The following AKAP8 variants were observed in gnomAD, a reference collection of about 807,000 sequenced individuals.
AKAP8 encodes A-kinase anchor protein 8.
Under a neutral mutation model 67.5 loss-of-function variants are expected in AKAP8, and 24 were observed. The ratio of observed to expected loss-of-function variants is 0.36; its 90% CI spans 0.26 to 0.50. The LOEUF is 0.50. AKAP8 is among the 20% of genes least tolerant of loss of function. The pLI, the probability that AKAP8 is intolerant of heterozygous loss-of-function variation, is 0.97. For synonymous variants in AKAP8, 400 were observed against 371.1 expected, an observed-to-expected ratio of 1.08 and a Z score of -0.90; for missense variants, 971 against 955.9, an observed-to-expected ratio of 1.02 and a Z score of -0.21.
In AKAP8 at chr19:15,361,940, G is replaced by A. The variant is rs954939005; in HGVS notation, c.1303-118C>T. The A allele has an allele frequency of 3.3e-5, 44 of 1,342,222 alleles. No individual in the cohort carries two copies. In the East Asian group the frequency reaches 5.4e-4, roughly 17 times the overall value. The allele number at this position is 1,342,222 out of a possible 1,614,324, so 83.1% of individuals were successfully genotyped here. A position where few individuals can be genotyped will look rare whatever the true frequency, so the allele number is the denominator to read the frequency against. On this transcript the variant is annotated intron_variant, in intron 10 of 13. Coordinates refer to ENST00000269701, the MANE Select transcript of AKAP8 (RefSeq NM_005858.4). ...GCAGCTGCGTGGGGCAGCACAGCAC[G>A]ATGGCTGGAGCTCCCGGTTGTCCCT...
rs774821166 is a variant in AKAP8, at chr19:15,359,071, G to T, written c.1528-9C>A. The T allele has an allele frequency of 6.2e-7, 1 of 1,612,470 alleles. No individual in the cohort carries two copies. Among genetic ancestry groups the T allele is most frequent in the Non-Finnish European group, 8.5e-7 (1 of 1,178,692 alleles). ...AACTGTTCAGCAGCCAACTGCAAAG[G>T]GAACCAAATGTGAGCTCTTAAAAAT... is the stretch of plus-strand genomic sequence containing the variant. On this transcript the variant is annotated splice_polypyrimidine_tract_variant and intron_variant, in intron 12 of 13. Coordinates refer to ENST00000269701, the MANE Select transcript of AKAP8 (RefSeq NM_005858.4).
intron 1 of AKAP8, among the ~76,000 whole-genome samples, chr19:15,377,352 C>G (rs186898470): frequency 6.6e-6 from 1 of 152,182 alleles, no homozygotes; most frequent in African/African-American, 2.4e-5. Context: ...GGACACGTTC[C>G]CCCACCCACC....
intron 5 of AKAP8, 67 bp from the exon 6 acceptor site, chr19:15,372,414 C>A (rs1967174755): frequency 3.1e-6 from 5 of 1,587,974 alleles, no homozygotes; most frequent in Non-Finnish European, 4.3e-6. Flanking sequence ...CAGAAAAGAA[C>A]AAGGAGGTTG....
chr19:15,374,464 A>G, intron 3 of AKAP8, 139 bp downstream of exon 3: 1 of 1,053,492 alleles, frequency 9.5e-7, no homozygotes, highest in African/African-American at 1.6e-5. Context: ...CATATACACA[A>G]CAGCAGCCGT....
At chr19:15,379,634 C>A (rs929523358) in intron 1 of AKAP8, 79 bp downstream of exon 1, 2 of 1,515,596 alleles carry the variant, frequency 1.3e-6, no homozygotes, top group South Asian at 1.2e-5. Flanking sequence ...AAGGCCCGGC[C>A]GGCGGCAGTC....
chr19:15,376,643 G>A lies in AKAP8; in HGVS notation c.58+333C>T, dbSNP rs111607744. Among the ~76,000 whole-genome samples the A allele has an allele frequency of 5.5e-3, 838 of 152,110 alleles. 8 individuals carry two copies. Among genetic ancestry groups the A allele is most frequent in the Middle Eastern group, 0.02 (6 of 294 alleles). On this transcript the variant is annotated intron_variant, in intron 2 of 13. Transcript: ENST00000269701. ...GGTAATTATAGAGAAAAAACACCTC[G>A]GATATACCCTCAGCTATTTACTCAG...
chr19:15,358,092 G>A (rs1599555671), intron 13 of AKAP8, among the ~76,000 whole-genome samples: 1 of 152,194 alleles, frequency 6.6e-6, no homozygotes, highest in African/African-American at 2.4e-5. Context: ...CTGAAGTCAG[G>A]TTGTGGGCTG....
intron 12 of AKAP8, among the ~76,000 whole-genome samples, chr19:15,360,362 G>A (rs1966945287): frequency 1.3e-5 from 2 of 152,220 alleles, no homozygotes; most frequent in African/African-American, 2.4e-5. Context: ...AGGTAGAGCT[G>A]TTGCTGGATA....
intron 7 of AKAP8, among the ~76,000 whole-genome samples, 186 bp from the exon 8 acceptor site, chr19:15,370,365 G>C (rs1455158943): frequency 6.6e-6 from 1 of 152,046 alleles, no homozygotes; most frequent in South Asian, 2.1e-4. Flanking sequence ...TGTGTGTCCT[G>C]TTATTACTCC....
intron 8 of AKAP8, chr19:15,368,548 G>T (rs1344732493): frequency 1.0e-6 from 1 of 985,122 alleles, no homozygotes; most frequent in African/African-American, 1.7e-5. Context: ...CATGGCCTGA[G>T]GCGGCCAGGA....
intron 1 of AKAP8, among the ~76,000 whole-genome samples, chr19:15,377,465 T>C (rs1397105671): frequency 1.3e-5 from 2 of 152,222 alleles, no homozygotes; most frequent in African/African-American, 4.8e-5. Context: ...AAGCTGCACT[T>C]CCTGCCACTT....
At chr19:15,375,317 A>C (rs1000540805) in intron 2 of AKAP8, among the ~76,000 whole-genome samples, 5 of 152,176 alleles carry the variant, frequency 3.3e-5, no homozygotes, top group Non-Finnish European at 7.3e-5. Context: ...AGCCACACCC[A>C]GCCCACTTCC....
At chr19:15,362,321 A>T in intron 9 of AKAP8, 70 bp from the exon 10 acceptor site, 1 of 1,539,050 alleles carries the variant, frequency 6.5e-7, no homozygotes, top group Non-Finnish European at 8.9e-7. Context: ...GCATCAGCTC[A>T]CCTCTGAGGA....
chr19:15,374,167 C>T (rs570862319), intron 3 of AKAP8, 102 bp from the exon 4 acceptor site: 14 of 1,360,312 alleles, frequency 1.0e-5, no homozygotes, highest in South Asian at 8.6e-5. Context: ...AGAAGGAAAA[C>T]GGGTGTGGGA....
chr19:15,366,889 G>A (rs531628940), intron 9 of AKAP8, among the ~76,000 whole-genome samples: 3 of 151,846 alleles, frequency 2.0e-5, no homozygotes, highest in African/African-American at 2.4e-5. Flanking sequence ...GATTACAGGC[G>A]TGAGCCACTG....
chr19:15,363,132 G>A (rs1449912559), intron 9 of AKAP8, among the ~76,000 whole-genome samples: 3 of 149,266 alleles, frequency 2.0e-5, no homozygotes. Context: ...CAGCCGCCCC[G>A]TCTGAGAAGT....
chr19:15,357,020 G>A lies in AKAP8; in HGVS notation c.1624-1650C>T, dbSNP rs1039959796. ...GTCGCCAAGGCTGGAGTGCAATGGC[G>A]CGATCTTGGCTCACTGCAACCTGCA... On this transcript the variant is annotated intron_variant, in intron 13 of 13. Transcript: ENST00000269701. Among the ~76,000 whole-genome samples the A allele has an allele frequency of 1.6e-4, 24 of 152,094 alleles. No homozygotes were observed. In the East Asian group the frequency reaches 2.7e-3, roughly 17 times the overall value.
chr19:15,369,309 C>T lies in AKAP8; in HGVS notation c.1072+837G>A, dbSNP rs912041413. 3.1e-6 allele frequency: 3 copies of T among 975,970 alleles called. No individual in the cohort carries two copies. The highest frequency in any genetic ancestry group is 3.7e-6 in the Non-Finnish European group (3 of 821,400). The allele number at this position is 975,970 out of a possible 1,614,324, so 60.5% of individuals were successfully genotyped here. On this transcript the variant is annotated intron_variant, in intron 8 of 13. Transcript: ENST00000269701. This position sits in a 1 kb window ranked among gnomAD's most constrained non-coding sequence, Gnocchi z 4.6. The stretch of plus-strand genomic sequence containing the variant: ...CCCCGTGCTATGGACAGGACTGCTG[C>T]GGGTCGCGGGGGGGAGGACCGCAGA...
chr19:15,367,723 G>A (rs1967092229), intron 9 of AKAP8, among the ~76,000 whole-genome samples: 1 of 152,178 alleles, frequency 6.6e-6, no homozygotes, highest in Admixed American at 6.5e-5. Context: ...TTTCTATTGT[G>A]GGACAAAATC....
Sources: gnomAD v4.1 joint callset for allele counts (sites outside exome capture counted in the v4.1 genomes callset) on GRCh38, gnomAD v4.1.1 for gene constraint, Gnocchi (gnomAD v3.1) non-coding constraint, MANE v1.5 for transcripts, NCBI Gene and HGNC (gene_info 2026-07-23, HGNC 2026-07-21) for gene names.